ZNF555: variants seen among roughly 807,000 people sequenced by gnomAD.
ZNF555 encodes zinc finger protein 555.
Under a neutral mutation model 14.0 loss-of-function variants are expected in ZNF555, and 10 were observed. The ratio of observed to expected loss-of-function variants is 0.72; its 90% confidence interval spans 0.44 to 1.21. The LOEUF (loss-of-function observed/expected upper bound fraction) is 1.21, where lower values mean the gene tolerates loss of function less well. ZNF555 is among the 50% of genes most tolerant of loss of function. The probability of loss-of-function intolerance (pLI) is 0.00; values close to 1 mark genes in which losing one functional copy is unlikely to be tolerated. For missense variants in ZNF555, 747 were observed against 762.0 expected (o/e 0.98, Z 0.23); for synonymous variants, 277 against 262.4 (o/e 1.06, Z -0.54).
chr19:2,853,916 T>C lies in ZNF555; in HGVS notation c.1851T>C (p.Asp617=). 1 of 1,613,884 alleles carries C rather than the reference T, an allele frequency of 6.2e-7. No individual in the cohort carries two copies. The highest frequency in any genetic ancestry group is 8.5e-7 in the Non-Finnish European group (1 of 1,180,022). The change falls in exon 4 of 4, where the codon GAT becomes GAC. Residue 617 remains aspartate (D), a synonymous_variant. Transcript: ENST00000334241. The part of the protein sequence containing the change: ...SASEKSHQER[D]LIKVVNMVLP... ...CAGAAAAGTCACACCAGGAGAGAGA[T>C]CTGATCAAAGTTGTAAATATGGTGT...
At position 2,860,385 on chromosome 19, in the gene ZNF555, G is replaced by A; in HGVS notation, c.*6433G>A. On this transcript the variant is annotated 3_prime_UTR_variant, in exon 4 of 4. Coordinates refer to ENST00000334241, the MANE Select transcript of ZNF555 (RefSeq NM_152791.5). Reference sequence around the variant, plus strand: ...AGTCTTTGTGTGATGAAATATAAAGGCCTAGCAGGCTCAGAGTTATTAATG... The same window carrying A: ...AGTCTTTGTGTGATGAAATATAAAGACCTAGCAGGCTCAGAGTTATTAATG... 6.6e-6 allele frequency: 1 copy of A among 152,178 alleles called. No individual in the cohort carries two copies. Among genetic ancestry groups the A allele is most frequent in the East Asian group, 1.9e-4 (1 of 5,184 alleles). The allele number at this position is 152,178 out of a possible 1,614,324, so 9.4% of individuals were successfully genotyped here.
At chr19:2,851,376 G>A (rs971674064) in intron 2 of ZNF555, 92 bp from the exon 3 acceptor site, 4 of 1,010,824 alleles carry the variant, frequency 4.0e-6, no homozygotes, top group Non-Finnish European at 4.3e-6. Context: ...ACCATTTTGT[G>A]TTTAATGAAG....
At chr19:2,843,610 C>T (rs1438035149) in intron 1 of ZNF555, among the ~76,000 whole-genome samples, 2 of 152,130 alleles carry the variant, frequency 1.3e-5, no homozygotes, top group Non-Finnish European at 2.9e-5. Context: ...ATGTTATTCT[C>T]CTTGACATGG....
intron 1 of ZNF555, among the ~76,000 whole-genome samples, chr19:2,848,655 C>G (rs577129071): frequency 1.3e-5 from 2 of 152,086 alleles, no homozygotes; most frequent in South Asian, 4.1e-4. Context: ...ACCATGTTGG[C>G]CAGGCTGGTC....
intron 1 of ZNF555, among the ~76,000 whole-genome samples, chr19:2,845,359 A>C (rs2087573662): frequency 6.6e-6 from 1 of 152,090 alleles, no homozygotes; most frequent in African/African-American, 2.4e-5. Context: ...TCTTTAGTGC[A>C]CTGTCTTTGG....
rs1459664114 is a variant in ZNF555, at chr19:2,856,733, G to A, written c.*2781G>A. 1 of 152,160 alleles carries A rather than the reference G, an allele frequency of 6.6e-6. No homozygotes were observed. Among genetic ancestry groups the A allele is most frequent in the East Asian group, 1.9e-4 (1 of 5,198 alleles). 9.4% of individuals were successfully genotyped at this position (152,160 alleles called of 1,614,324 possible). A position where few individuals can be genotyped will look rare whatever the true frequency, so the allele number is the denominator to read the frequency against. ...CTTGTGTTCTGTGATTTTGGTGAGC[G>A]TTCAAGGAAGCCAGGCTTTGGTCTG... On this transcript the variant is annotated 3_prime_UTR_variant, in exon 4 of 4. Transcript: ENST00000334241.
rs761427990 is a variant in ZNF555 at position 2,852,794 on chromosome 19, T to C, written c.729T>C (p.Leu243=). 5 of 1,614,010 alleles carry C rather than the reference T, an allele frequency of 3.1e-6. No homozygotes were observed. In the East Asian group the frequency reaches 6.7e-5, roughly 22 times the overall value. The change falls in exon 4 of 4, where the codon CTT becomes CTC. Residue 243 remains leucine, a synonymous_variant. Coordinates refer to ENST00000334241, the MANE Select transcript of ZNF555 (RefSeq NM_152791.5). ...CGKAFIDFSS[L]TSHLRSHTGE... is the part of the protein sequence containing the mutation. ...AAGCCTTTATTGACTTCTCAAGTCTTACTAGTCATCTCAGAAGTCACACCG... is the reference window on the plus strand; with the variant it reads ...AAGCCTTTATTGACTTCTCAAGTCTCACTAGTCATCTCAGAAGTCACACCG...
rs756197531 is a variant in ZNF555 at position 2,853,767 on chromosome 19, C to T, written c.1702C>T (p.His568Tyr). 3 of 1,608,080 alleles carry T rather than the reference C, an allele frequency of 1.9e-6. No homozygotes were observed. Among genetic ancestry groups the T allele is most frequent in the South Asian group, 1.1e-5 (1 of 89,942 alleles). Reference protein sequence around the residue: ...HTGEKPYQCKHCGKAFNCSSS... With the variant: ...HTGEKPYQCKYCGKAFNCSSS... ...TGGAGAGAAACCTTATCAATGTAAGCATTGTGGGAAAGCATTCAATTGTTC... is the reference window on the plus strand; with the variant it reads ...TGGAGAGAAACCTTATCAATGTAAGTATTGTGGGAAAGCATTCAATTGTTC... Residue 568 changes from histidine to tyrosine, a missense_variant, in exon 4 of 4, where the codon CAT (histidine) becomes TAT (tyrosine). His to Tyr is a moderately conservative substitution (Grantham distance 83). Coordinates refer to ENST00000334241, the MANE Select transcript of ZNF555 (RefSeq NM_152791.5).
chr19:2,844,763 T>G (rs1303870553), intron 1 of ZNF555, among the ~76,000 whole-genome samples: 1 of 152,218 alleles, frequency 6.6e-6, no homozygotes, highest in African/African-American at 2.4e-5. Context: ...TTTCTAAGGT[T>G]AGGGGCCCTC....
rs1476718545 is a variant in ZNF555 at position 2,841,567 on chromosome 19, C to CGGGACAT, written c.-3_3+1dup. On this transcript the variant is annotated 5_prime_UTR_variant, in exon 1 of 4. It adds an upstream start codon to the 5' untranslated region. Coordinates refer to ENST00000334241, the MANE Select transcript of ZNF555 (RefSeq NM_152791.5). The stretch of plus-strand genomic sequence containing the variant: ...TGCGCCGGTAGCGAAGAAATCGCCC[C>CGGGACAT]GGGACATGGTGAGTGTGGCGCAGGA... 7 of 1,543,684 alleles carry CGGGACAT rather than the reference C, an allele frequency of 4.5e-6. No homozygotes were observed. The African/African-American group carries it at 9.7e-5, about 21-fold the overall frequency.
rs570634666 is a variant in ZNF555 at position 2,852,451 on chromosome 19, A to T, written c.386A>T (p.His129Leu). ...QCGEALSQIPHLNLYKKIPPG... is the reference protein window; with the variant it reads ...QCGEALSQIPLLNLYKKIPPG... ...GGAGAAGCCCTCAGCCAGATTCCACATCTTAATCTGTACAAGAAAATTCCA... is the reference window on the plus strand; with the variant it reads ...GGAGAAGCCCTCAGCCAGATTCCACTTCTTAATCTGTACAAGAAAATTCCA... Residue 129 changes from histidine (H) to leucine (L), a missense_variant, in exon 4 of 4, where the codon CAT becomes CTT. Physicochemically the swap from His to Leu is moderately conservative, Grantham distance 99. Coordinates refer to ENST00000334241, the MANE Select transcript of ZNF555 (RefSeq NM_152791.5). 1.2e-6 allele frequency: 2 copies of T among 1,614,092 alleles called. No individual in the cohort carries two copies. Among genetic ancestry groups the T allele is most frequent in the Non-Finnish European group, 1.7e-6 (2 of 1,180,042 alleles).
chr19:2,858,719 C>T lies in ZNF555; in HGVS notation c.*4767C>T, dbSNP rs2087704982. The T allele has an allele frequency of 1.3e-5, 2 of 152,354 alleles. No individual in the cohort carries two copies. Among genetic ancestry groups the T allele is most frequent in the South Asian group, 4.1e-4 (2 of 4,836 alleles). 9.4% of individuals were successfully genotyped at this position (152,354 alleles called of 1,614,324 possible). On this transcript the variant is annotated 3_prime_UTR_variant, in exon 4 of 4. Transcript: ENST00000334241. Reference sequence around the variant, plus strand: ...CATGCCATGGAGACACGCCCATCAGCCACAGCAGCTCCTGCTACTGCATAA... The same window carrying T: ...CATGCCATGGAGACACGCCCATCAGTCACAGCAGCTCCTGCTACTGCATAA...
chr19:2,856,718 G>A lies in ZNF555; in HGVS notation c.*2766G>A, dbSNP rs945685499. ...ACTATCAGATTTGGCCTTGTGTTCT[G>A]TGATTTTGGTGAGCGTTCAAGGAAG... On this transcript the variant is annotated 3_prime_UTR_variant, in exon 4 of 4. Coordinates refer to ENST00000334241, the MANE Select transcript of ZNF555 (RefSeq NM_152791.5). 1 of 152,172 alleles carries A rather than the reference G, an allele frequency of 6.6e-6. No individual in the cohort carries two copies. The highest frequency in any genetic ancestry group is 1.5e-5 in the Non-Finnish European group (1 of 68,032). 9.4% of individuals were successfully genotyped at this position (152,172 alleles called of 1,614,324 possible).
intron 1 of ZNF555, among the ~76,000 whole-genome samples, chr19:2,842,630 G>A (rs1398135405): frequency 6.6e-6 from 1 of 152,216 alleles, no homozygotes; most frequent in Non-Finnish European, 1.5e-5. Context: ...CGTCCGTCGT[G>A]GTAGCCTGGC....
At chr19:2,850,767 C>T (rs1367852563) in intron 2 of ZNF555, 54 bp downstream of exon 2, 1 of 1,605,422 alleles carries the variant, frequency 6.2e-7, no homozygotes, top group African/African-American at 1.3e-5. Flanking sequence ...ACAAGTATTT[C>T]TTACACATCA....
chr19:2,841,511 C>A lies in ZNF555; in HGVS notation c.-62C>A. The stretch of plus-strand genomic sequence containing the variant: ...GAGTGCCCCGCCTGCCCCTAGCGGT[C>A]CCTGGCGTCCCGGTTCCTGTCGCGC... On this transcript the variant is annotated 5_prime_UTR_variant, in exon 1 of 4. Coordinates refer to ENST00000334241, the MANE Select transcript of ZNF555 (RefSeq NM_152791.5). 1 of 1,545,348 alleles carries A rather than the reference C, an allele frequency of 6.5e-7. No homozygotes were observed. The highest frequency in any genetic ancestry group is 1.2e-5 in the South Asian group (1 of 83,902).
rs778409655 is a variant in ZNF555 at position 2,852,598 on chromosome 19, G to A, written c.533G>A (p.Gly178Glu). ...GHKPYQCQECGQAYSCRSHLR... is the reference protein window; with the variant it reads ...GHKPYQCQECEQAYSCRSHLR... ...AAACCATATCAGTGCCAGGAATGTG[G>A]GCAGGCCTACAGTTGTCGTTCACAC... The change falls in exon 4 of 4, where the codon GGG becomes GAG. Residue 178 changes from glycine to glutamate, a missense_variant. Physicochemically the swap from Gly to Glu is moderately conservative, Grantham distance 98. Transcript: ENST00000334241. 2.5e-6 allele frequency: 4 copies of A among 1,613,982 alleles called. No individual in the cohort carries two copies. The African/African-American group carries it at 4.0e-5, about 16-fold the overall frequency.
At position 2,855,254 on chromosome 19, in the gene ZNF555, T is replaced by G. The variant is rs371930730; in HGVS notation, c.*1302T>G. The G allele has an allele frequency of 2.6e-5, 4 of 152,230 alleles. No homozygotes were observed. The highest frequency in any genetic ancestry group is 4.1e-4 in the South Asian group (2 of 4,832). The allele number at this position is 152,230 out of a possible 1,614,324, so 9.4% of individuals were successfully genotyped here. On this transcript the variant is annotated 3_prime_UTR_variant, in exon 4 of 4. Coordinates refer to ENST00000334241, the MANE Select transcript of ZNF555 (RefSeq NM_152791.5). ...TGTGGATTTTGTTTCAAGGAAAACC[T>G]TCTGTAGATATTTCTTAGAAATATC...
At chr19:2,847,015 G>T (rs1329889725) in intron 1 of ZNF555, among the ~76,000 whole-genome samples, 1 of 152,098 alleles carries the variant, frequency 6.6e-6, no homozygotes, top group Non-Finnish European at 1.5e-5. Flanking sequence ...CAGTTGTGGA[G>T]ACCTAATCTT....
Sources: allele counts gnomAD v4.1 joint callset (sites outside exome capture counted in the v4.1 genomes callset), GRCh38; gene constraint gnomAD v4.1.1; transcripts MANE v1.5; gene names NCBI Gene and HGNC (gene_info 2026-07-23, HGNC 2026-07-21).